Variants in VRK1 observed in about 807,000 individuals in gnomAD.
The protein encoded by VRK1 is VRK serine/threonine kinase 1, also known as serine/threonine-protein kinase VRK1.
In VRK1, 33 loss-of-function variants were observed where a neutral mutation model predicts 57.1. That is an observed-to-expected ratio of 0.58 (90% CI 0.44 to 0.77). VRK1 has a LOEUF of 0.77. VRK1 is among the 30% of genes least tolerant of loss of function. The pLI, the probability that VRK1 is intolerant of heterozygous loss-of-function variation, is 0.00. For synonymous variants in VRK1, 137 were observed against 147.8 expected, an observed-to-expected ratio of 0.93 and a Z score of 0.53; for missense variants, 413 against 477.3, an observed-to-expected ratio of 0.87 and a Z score of 1.25.
chr14:96,853,303 T>C lies in VRK1; in HGVS notation c.576+137T>C, dbSNP rs549765041. On this transcript the variant is annotated intron_variant, in intron 7 of 12. Coordinates refer to ENST00000216639, the MANE Select transcript of VRK1 (RefSeq NM_003384.3). ...GTAATAATATTTCTTCTTGACACTT[T>C]GATCTAGTTAACATTCTACATTTTT... 624 of 755,312 alleles carry C rather than the reference T, an allele frequency of 8.3e-4. 13 individuals are homozygous for C. The South Asian group carries it at 9.4e-3, about 11-fold the overall frequency. 46.8% of individuals were successfully genotyped at this position (755,312 alleles called of 1,614,324 possible).
At chr14:96,854,833 A>C (rs947915676) in intron 7 of VRK1, among the ~76,000 whole-genome samples, 14 of 152,186 alleles carry the variant, frequency 9.2e-5, no homozygotes, top group Non-Finnish European at 8.8e-5. Context: ...TTCTGTGTGG[A>C]AAGTAGCAGT....
At chr14:96,858,184 T>C (rs1285000887) in intron 10 of VRK1, among the ~76,000 whole-genome samples, 1 of 152,120 alleles carries the variant, frequency 6.6e-6, no homozygotes, top group East Asian at 1.9e-4. Flanking sequence ...CTTGACCTCC[T>C]GAGCTCAAGA....
intron 5 of VRK1, 104 bp from the exon 6 acceptor site, chr14:96,852,727 C>G: frequency 1.2e-6 from 1 of 804,796 alleles, no homozygotes; most frequent in Non-Finnish European, 2.1e-6. Flanking sequence ...AAGAATACTT[C>G]TTTACTAAAC....
intron 12 of VRK1, chr14:96,877,748 A>C (rs1003026984): frequency 6.7e-6 from 6 of 897,196 alleles, no homozygotes; most frequent in African/African-American, 1.8e-5. Flanking sequence ...AGGAAGACTC[A>C]TCCCTTTCTT....
chr14:96,837,713 T>A, intron 2 of VRK1, 49 bp from the exon 3 acceptor site: 1 of 1,192,516 alleles, frequency 8.4e-7, no homozygotes, highest in East Asian at 2.7e-5. Context: ...TATTAATATA[T>A]TTATAATATT....
intron 11 of VRK1, among the ~76,000 whole-genome samples, chr14:96,863,386 A>G (rs1486217648): frequency 6.6e-6 from 1 of 152,222 alleles, no homozygotes; most frequent in Non-Finnish European, 1.5e-5. Context: ...CTCTAGGGCT[A>G]CGGAGATCAA....
chr14:96,819,221 G>A (rs1281908670), intron 1 of VRK1, among the ~76,000 whole-genome samples: 1 of 152,134 alleles, frequency 6.6e-6, no homozygotes, highest in African/African-American at 2.4e-5. Context: ...GATATGATGG[G>A]TTGGGAAAAA....
intron 2 of VRK1, among the ~76,000 whole-genome samples, chr14:96,834,453 G>A (rs1389407827): frequency 1.3e-5 from 2 of 152,118 alleles, no homozygotes; most frequent in Admixed American, 1.3e-4. Context: ...CTCAGACTAC[G>A]AATCAGAAAC....
At chr14:96,808,017 C>CTCTCTCTCTCTCTCTCTGTGTGTG (rs1491505548) in intron 1 of VRK1, among the ~76,000 whole-genome samples, 1 of 127,246 alleles carries the variant, frequency 7.9e-6, no homozygotes, top group African/African-American at 3.2e-5. Flanking sequence ...CTCTCTCCCT[C>CTCTCTCTCTCTCTCTCTGTGTGTG]TGTGTGTGTG....
intron 1 of VRK1, among the ~76,000 whole-genome samples, chr14:96,820,221 AATG>A (rs1886547676): frequency 1.3e-5 from 2 of 152,138 alleles, no homozygotes; most frequent in African/African-American, 2.4e-5. Context: ...GACACTTGAA[AATG>A]ATGATTTTTT....
intron 11 of VRK1, among the ~76,000 whole-genome samples, chr14:96,872,113 G>T (rs1232589618): frequency 3.3e-5 from 5 of 152,056 alleles, no homozygotes; most frequent in Admixed American, 3.3e-4. Context: ...CCTCTAGCAG[G>T]ATATTTTTAG....
chr14:96,876,989 T>C (rs1889063289), intron 12 of VRK1, among the ~76,000 whole-genome samples: 1 of 151,950 alleles, frequency 6.6e-6, no homozygotes, highest in South Asian at 2.1e-4. Context: ...TGTGATATGA[T>C]GATGTACTTG....
chr14:96,835,758 T>C lies in VRK1; in HGVS notation c.161-2004T>C, dbSNP rs574509455. 1.2e-4 allele frequency among the ~76,000 whole-genome samples: 18 copies of C among 152,304 alleles called. No homozygotes were observed. In the South Asian group the frequency reaches 3.5e-3, roughly 30 times the overall value. ...TTCTAGTCCTATTGCTTTACCTGGG[T>C]GACTTCTCAGATCCATTCATTTCTC... On this transcript the variant is annotated intron_variant, in intron 2 of 12. Transcript: ENST00000216639.
intron 4 of VRK1, 77 bp downstream of exon 4, chr14:96,846,241 G>A (rs1887683355): frequency 1.5e-6 from 2 of 1,362,424 alleles, no homozygotes; most frequent in Non-Finnish European, 2.1e-6. Flanking sequence ...CTAGAGCATT[G>A]TATCTTATTT....
chr14:96,844,212 C>G (rs1887581567), intron 3 of VRK1, among the ~76,000 whole-genome samples: 1 of 152,148 alleles, frequency 6.6e-6, no homozygotes, highest in Non-Finnish European at 1.5e-5. Context: ...GTGTCTCTTG[C>G]AAATGCTTGC....
At chr14:96,873,220 GA>G (rs1566720286) in intron 11 of VRK1, among the ~76,000 whole-genome samples, 1 of 152,106 alleles carries the variant, frequency 6.6e-6, no homozygotes, top group Non-Finnish European at 1.5e-5. Context: ...TGCTTCTGAA[GA>G]TTTTTTTTCT....
chr14:96,807,008 T>C (rs1289756606), intron 1 of VRK1, among the ~76,000 whole-genome samples: 3 of 152,120 alleles, frequency 2.0e-5, no homozygotes, highest in Admixed American at 1.3e-4. Context: ...CATGGTCTGG[T>C]CTATGATGAA....
At chr14:96,854,676 G>C (rs1052217133) in intron 7 of VRK1, among the ~76,000 whole-genome samples, 3 of 152,136 alleles carry the variant, frequency 2.0e-5, no homozygotes, top group African/African-American at 7.2e-5. Context: ...TGATCTAACA[G>C]TTCTTTAGAT....
intron 1 of VRK1, among the ~76,000 whole-genome samples, chr14:96,817,902 C>G (rs1423665176): frequency 6.6e-6 from 1 of 152,172 alleles, no homozygotes; most frequent in African/African-American, 2.4e-5. Context: ...AGCCAGGTGT[C>G]ACCGCTTTTT....
Sources: allele counts gnomAD v4.1 joint callset (sites outside exome capture counted in the v4.1 genomes callset), GRCh38; gene constraint gnomAD v4.1.1; transcripts MANE v1.5; gene names NCBI Gene and HGNC (gene_info 2026-07-23, HGNC 2026-07-21).